RNASE12: variants seen among roughly 807,000 people sequenced by gnomAD.
The protein encoded by RNASE12 is probable inactive ribonuclease-like protein 12.
For missense variants in RNASE12, 161 were observed against 177.6 expected (o/e 0.91, Z 0.53); for synonymous variants, 55 against 59.8 (o/e 0.92, Z 0.37).
exon 1 of RNASE12, chr14:20,590,796 A>G: frequency 6.4e-7 from 1 of 1,571,626 alleles, no homozygotes. Flanking sequence ...GTAGCAAAGG[A>G]CAGTCAGATT....
At chr14:20,590,971 T>C, upstream of RNASE12, 1 of 1,378,630 alleles carries the variant, frequency 7.3e-7, no homozygotes, top group Non-Finnish European at 9.4e-7. Context: ...ACTGAGCTGT[T>C]CTCTAAATTA....
At chr14:20,591,207 C>G, upstream of RNASE12, 1 of 983,886 alleles carries the variant, frequency 1.0e-6, no homozygotes, top group Non-Finnish European at 1.2e-6. Context: ...CCAATTCCTT[C>G]CAAGTCCCTC....
At chr14:20,590,246 A>G in exon 1 of RNASE12, 1 of 1,604,102 alleles carries the variant, frequency 6.2e-7, no homozygotes. Context: ...TGCCATTGAG[A>G]GAAGAGATCT....
In RNASE12 at chr14:20,590,449, G is replaced by T. The variant is rs189334969; in HGVS notation, c.275C>A (p.Ser92Ter). ...CTCACTCTGAAAGCAGAAAATGGCC[G>T]AAAGGTTTTGGCAAGCAACCTTCTT... Residue 92 changes from serine (S) to a stop codon, truncating the protein, a stop_gained, in exon 1 of 1, where the codon TCG becomes TAG. Coordinates refer to ENST00000556526, the Ensembl canonical transcript of RNASE12. LOFTEE classifies it low-confidence loss of function (END_TRUNC). The T allele has an allele frequency of 3.1e-6, 5 of 1,614,194 alleles. No individual in the cohort carries two copies. In the South Asian group the frequency reaches 4.4e-5, roughly 14 times the overall value.
chr14:20,590,760 T>C (rs1402758878), exon 1 of RNASE12: 5 of 1,597,950 alleles, frequency 3.1e-6, no homozygotes, highest in Non-Finnish European at 4.3e-6. Context: ...TGGCTTTGAC[T>C]GCTGTTGAGT....
At chr14:20,591,220 T>C, upstream of RNASE12, 4 of 984,510 alleles carry the variant, frequency 4.1e-6, no homozygotes, top group Non-Finnish European at 4.8e-6. Context: ...AGTCCCTCCC[T>C]CTGTCAATCC....
At chr14:20,590,954 G>C (rs1884567451), upstream of RNASE12, 1 of 1,400,496 alleles carries the variant, frequency 7.1e-7, no homozygotes, top group African/African-American at 1.5e-5. Flanking sequence ...AGCTCTCAGA[G>C]TTTGGTACTG....
At chr14:20,590,992 GTTTGT>G (rs2138902044), upstream of RNASE12, 1 of 985,374 alleles carries the variant, frequency 1.0e-6, no homozygotes, top group Admixed American at 6.1e-5. Flanking sequence ...TTCCTGTTGT[GTTTGT>G]TTTGTTCTAC....
At chr14:20,591,093 C>T, upstream of RNASE12, 3 of 985,398 alleles carry the variant, frequency 3.0e-6, no homozygotes, top group Non-Finnish European at 3.6e-6. Flanking sequence ...AGAAAGTGGT[C>T]AAGGTTATTC....
In RNASE12 at chr14:20,590,561, TA is replaced by T; in HGVS notation, c.162del (p.Ile55SerfsTer51). On this transcript the variant is annotated frameshift_variant, in exon 1 of 1. Coordinates refer to ENST00000556526, the Ensembl canonical transcript of RNASE12. LOFTEE classifies it low-confidence loss of function (END_TRUNC). The stretch of plus-strand genomic sequence containing the variant: ...TTACAAGTGTGGTCAGGTTCCCTGA[TA>T]ACTCTTTGTATGATCATGTGGTTGC... The T allele has an allele frequency of 3.1e-6, 5 of 1,614,280 alleles. No individual in the cohort carries two copies. The highest frequency in any genetic ancestry group is 4.2e-6 in the Non-Finnish European group (5 of 1,180,048).
chr14:20,590,707 A>G (rs2138901410), exon 1 of RNASE12: 1 of 1,614,000 alleles, frequency 6.2e-7, no homozygotes, highest in South Asian at 1.1e-5. Context: ...CAAGAAAATT[A>G]TCACCATTAT....
exon 1 of RNASE12, chr14:20,590,708 T>C: frequency 6.2e-7 from 1 of 1,614,012 alleles, no homozygotes; most frequent in Non-Finnish European, 8.5e-7. Flanking sequence ...AAGAAAATTA[T>C]CACCATTATT....
At chr14:20,590,454 G>A in exon 1 of RNASE12, 2 of 1,614,188 alleles carry the variant, frequency 1.2e-6, no homozygotes, top group African/African-American at 1.3e-5. Context: ...TGGCCGAAAG[G>A]TTTTGGCAAG....
chr14:20,590,172 C>T (rs1884536683), downstream of RNASE12: 8 of 1,510,372 alleles, frequency 5.3e-6, no homozygotes, highest in East Asian at 9.1e-5. Flanking sequence ...GTGGCTTCCC[C>T]TTCCGCTCAA....
At chr14:20,590,537 T>C (rs1884551181) in exon 1 of RNASE12, 3 of 1,614,278 alleles carry the variant, frequency 1.9e-6, no homozygotes, top group Non-Finnish European at 2.5e-6. Flanking sequence ...TGCTCCTTTT[T>C]ACAAGTGTGG....
At chr14:20,590,178 C>CT, downstream of RNASE12, 1 of 1,516,962 alleles carries the variant, frequency 6.6e-7, no homozygotes, top group South Asian at 1.3e-5. Context: ...TCCCCTTCCG[C>CT]TCAAGGCATT....
exon 1 of RNASE12, chr14:20,590,621 G>A: frequency 1.9e-6 from 3 of 1,614,188 alleles, no homozygotes; most frequent in East Asian, 2.2e-5. Flanking sequence ...TCATTCTGAG[G>A]GTAGTCCACA....
At chr14:20,591,082 T>C (rs1168483050), upstream of RNASE12, 3 of 985,308 alleles carry the variant, frequency 3.0e-6, no homozygotes, top group East Asian at 3.4e-4. Context: ...GCTAGACATA[T>C]AGAAAGTGGT....
At chr14:20,590,834 C>T, upstream of RNASE12, 3 of 1,507,452 alleles carry the variant, frequency 2.0e-6, no homozygotes, top group East Asian at 2.3e-5. Flanking sequence ...TGGCTGCTCC[C>T]CCATCCTTGG....
Sources: allele counts gnomAD v4.1 joint callset, GRCh38; gene constraint gnomAD v4.1.1; transcripts MANE v1.5; gene names NCBI Gene and HGNC (gene_info 2026-07-23, HGNC 2026-07-21).